RBFOX1: variants seen among roughly 807,000 people sequenced by gnomAD.
RBFOX1 encodes RNA binding fox-1 homolog 1.
RBFOX1 carries 8 observed loss-of-function variants against 57.7 expected under a neutral mutation model. The observed-to-expected ratio is 0.14, with a 90% CI of 0.08 to 0.25. RBFOX1 has a LOEUF of 0.25. RBFOX1 is among the 10% of genes least tolerant of loss of function. The pLI is 1.00. For missense variants in RBFOX1, 611 were observed against 548.5 expected, an observed-to-expected ratio of 1.11 and a Z score of -1.14; for synonymous variants, 326 against 222.4, an observed-to-expected ratio of 1.47 and a Z score of -4.15.
intron 3 of RBFOX1, among the ~76,000 whole-genome samples, chr16:7,050,801 T>C (rs1381361777): frequency 6.6e-6 from 1 of 152,198 alleles, no homozygotes; most frequent in African/African-American, 2.4e-5. Context: ...ATTTCTTTTT[T>C]CATACATAAT....
intron 4 of RBFOX1, among the ~76,000 whole-genome samples, chr16:7,200,307 C>CTT (rs538524778): frequency 3.5e-4 from 53 of 152,280 alleles, no homozygotes; most frequent in African/African-American, 1.3e-3. Context: ...AAGTGAATAA[C>CTT]TTAATGGTGA....
At chr16:5,750,279 G>GT (rs1255221332) in intron 3 of RBFOX1, among the ~76,000 whole-genome samples, 1 of 152,224 alleles carries the variant, frequency 6.6e-6, no homozygotes, top group Non-Finnish European at 1.5e-5. Context: ...TGCCCCTACT[G>GT]TGGGGGTGCC....
At chr16:6,550,597 A>T (rs59317655) in intron 2 of RBFOX1, among the ~76,000 whole-genome samples, 12,483 of 152,260 alleles carry the variant, frequency 0.082, 1,256 homozygotes, top group African/African-American at 0.24. Flanking sequence ...AAGTGCTGGG[A>T]TTACAGGCAT....
At chr16:7,531,623 CT>C (rs1233283000) in intron 5 of RBFOX1, among the ~76,000 whole-genome samples, 12 of 152,146 alleles carry the variant, frequency 7.9e-5, no homozygotes, top group African/African-American at 2.9e-4. Context: ...ATTGACATAA[CT>C]CATCAAGAAA....
At chr16:6,036,987 G>A (rs756946097) in intron 1 of RBFOX1, among the ~76,000 whole-genome samples, 2 of 152,104 alleles carry the variant, frequency 1.3e-5, no homozygotes, top group Non-Finnish European at 2.9e-5. Flanking sequence ...CCTTCTGGTG[G>A]GACTGTGTGT....
At chr16:6,984,057 G>A (rs1267782085) in intron 3 of RBFOX1, among the ~76,000 whole-genome samples, 1 of 152,142 alleles carries the variant, frequency 6.6e-6, no homozygotes, top group East Asian at 1.9e-4. Flanking sequence ...AGACCTGTCT[G>A]ATCAACATGG....
At chr16:6,792,752 C>A (rs990977573) in intron 3 of RBFOX1, among the ~76,000 whole-genome samples, 34 of 152,102 alleles carry the variant, frequency 2.2e-4, no homozygotes, top group African/African-American at 7.5e-4. Context: ...AAGTGATGGG[C>A]CGGCATGGTG....
At chr16:7,265,385 T>C (rs1299537083) in intron 4 of RBFOX1, among the ~76,000 whole-genome samples, 1 of 151,898 alleles carries the variant, frequency 6.6e-6, no homozygotes, top group Non-Finnish European at 1.5e-5. Context: ...AGGGAAGATG[T>C]CTTTTCTTTC....
chr16:5,740,778 C>T (rs2052744127), intron 3 of RBFOX1, among the ~76,000 whole-genome samples: 2 of 152,120 alleles, frequency 1.3e-5, no homozygotes. Flanking sequence ...TGAAGTCCAG[C>T]AGAAAAGAAT....
chr16:5,864,090 T>G (rs2151891818), intron 3 of RBFOX1, among the ~76,000 whole-genome samples: 1 of 152,294 alleles, frequency 6.6e-6, no homozygotes, highest in Middle Eastern at 3.4e-3. Flanking sequence ...TTGTGTATTG[T>G]TCCTTTCTAT....
intron 3 of RBFOX1, among the ~76,000 whole-genome samples, chr16:6,749,803 G>A (rs1412234762): frequency 6.6e-6 from 1 of 152,144 alleles, no homozygotes; most frequent in African/African-American, 2.4e-5. Context: ...ACTGAAGAAT[G>A]CGATGTAAAA....
At chr16:7,211,794 A>C (rs1395590069) in intron 4 of RBFOX1, among the ~76,000 whole-genome samples, 1 of 152,140 alleles carries the variant, frequency 6.6e-6, no homozygotes, top group Non-Finnish European at 1.5e-5. Context: ...CTAGGTTGCT[A>C]TGAGCTTTCA....
intron 2 of RBFOX1, among the ~76,000 whole-genome samples, chr16:6,502,146 A>G (rs1240175668): frequency 6.6e-6 from 1 of 152,134 alleles, no homozygotes; most frequent in East Asian, 1.9e-4. Flanking sequence ...CCCTTCAGGC[A>G]TTGGCTTTAG....
chr16:7,196,190 A>G (rs889216452), intron 4 of RBFOX1, among the ~76,000 whole-genome samples: 2 of 152,196 alleles, frequency 1.3e-5, no homozygotes, highest in Non-Finnish European at 2.9e-5. Context: ...AATAATCAGT[A>G]TGTTCCATAG....
intron 5 of RBFOX1, among the ~76,000 whole-genome samples, chr16:7,546,730 T>A (rs2084657408): frequency 6.6e-6 from 1 of 152,236 alleles, no homozygotes; most frequent in Non-Finnish European, 1.5e-5. Context: ...TCTGATGGCT[T>A]CTTTGTGTCT....
intron 1 of RBFOX1, among the ~76,000 whole-genome samples, chr16:6,294,778 CTTGTT>C: frequency 6.6e-6 from 1 of 152,250 alleles, no homozygotes; most frequent in South Asian, 2.1e-4. Flanking sequence ...AAATGTTCCT[CTTGTT>C]TTGAGTCTCT....
rs1444499023 is a variant in RBFOX1 at position 5,349,518 on chromosome 16, A to G, written c.219+109413A>G. Among the ~76,000 whole-genome samples the G allele has an allele frequency of 1.3e-5, 2 of 152,068 alleles. 1 individual carries two copies. The highest frequency in any genetic ancestry group is 4.8e-5 in the African/African-American group (2 of 41,400). On this transcript the variant is annotated intron_variant, in intron 1 of 2. Transcript: ENST00000585867. ...GCGATCCTATCTCTACTAAAAATACAAAAAATTAGCCGGGCGTGGTGGCAT... is the reference window on the plus strand; with the variant it reads ...GCGATCCTATCTCTACTAAAAATACGAAAAATTAGCCGGGCGTGGTGGCAT...
At chr16:6,876,167 A>T (rs2061808095) in intron 3 of RBFOX1, among the ~76,000 whole-genome samples, 1 of 151,994 alleles carries the variant, frequency 6.6e-6, no homozygotes. Flanking sequence ...TGGGCAACAG[A>T]GGGTGAAGGA....
At chr16:5,733,730 C>T (rs8050703) in intron 3 of RBFOX1, among the ~76,000 whole-genome samples, 36,655 of 151,726 alleles carry the variant, frequency 0.24, 6,497 homozygotes, top group African/African-American at 0.49. Context: ...TCTTTATTCC[C>T]TTCCTATCTC....
Sources: gnomAD v4.1 joint callset for allele counts (sites outside exome capture counted in the v4.1 genomes callset) on GRCh38, gnomAD v4.1.1 for gene constraint, MANE v1.5 for transcripts, NCBI Gene and HGNC (gene_info 2026-07-23, HGNC 2026-07-21) for gene names.